ZFHX4: variants seen among roughly 807,000 people sequenced by gnomAD.
ZFHX4 encodes the protein zinc finger homeobox 4.
Under a neutral mutation model 267.6 loss-of-function variants are expected in ZFHX4, and 56 were observed. That is an observed-to-expected ratio of 0.21 (90% CI 0.17 to 0.26). The LOEUF is 0.26. ZFHX4 is among the 10% of genes least tolerant of loss of function. The pLI, the probability that ZFHX4 is intolerant of heterozygous loss-of-function variation, is 1.00. For synonymous variants in ZFHX4, 1,778 were observed against 1,665.6 expected, an observed-to-expected ratio of 1.07 and a Z score of -1.64; for missense variants, 4,332 against 4,420.0, an observed-to-expected ratio of 0.98 and a Z score of 0.56.
chr8:76,727,648 T>C (rs1808888054), intron 3 of ZFHX4, among the ~76,000 whole-genome samples: 1 of 152,210 alleles, frequency 6.6e-6, no homozygotes, highest in African/African-American at 2.4e-5. Context: ...TAGTCTACCA[T>C]AAAACATATC....
In ZFHX4 at chr8:76,842,731, G is replaced by A. The variant is rs778829137; in HGVS notation, c.3471G>A (p.Glu1157=). Residue 1157 remains glutamate (E), a synonymous_variant, in exon 6 of 11, where the codon GAG becomes GAA. Coordinates refer to ENST00000651372, the MANE Select transcript of ZFHX4 (RefSeq NM_024721.5). ...VAEDDEKDTS[E]RDNSEGKNSN... The stretch of plus-strand genomic sequence containing the variant: ...AGGACGATGAAAAAGACACAAGTGA[G>A]AGAGACAATAGTGAAGGCAAAAACT... 8 of 1,554,324 alleles carry A rather than the reference G, an allele frequency of 5.1e-6. No individual in the cohort carries two copies. The highest frequency in any genetic ancestry group is 1.7e-4 in the Middle Eastern group (1 of 6,006).
In ZFHX4 at chr8:76,780,393, T is replaced by C. The variant is rs542914046; in HGVS notation, c.3325+1954T>C. Among the ~76,000 whole-genome samples, 399 of 152,254 alleles carry C rather than the reference T, an allele frequency of 2.6e-3. 2 individuals are homozygous for C. The highest frequency in any genetic ancestry group is 4.5e-3 in the Admixed American group (69 of 15,284). On this transcript the variant is annotated intron_variant, in intron 4 of 10. Coordinates refer to ENST00000651372, the MANE Select transcript of ZFHX4 (RefSeq NM_024721.5). The stretch of plus-strand genomic sequence containing the variant: ...TGGTTGTAGAAAACTAAGGAAGGAA[T>C]GTAAGAAAGATGTGAACTCATTTGA...
chr8:76,707,611 C>T lies in ZFHX4; in HGVS notation c.2656C>T (p.Leu886Phe), dbSNP rs1352400458. The T allele has an allele frequency of 6.2e-7, 1 of 1,613,792 alleles. No individual in the cohort carries two copies. The highest frequency in any genetic ancestry group is 8.5e-7 in the Non-Finnish European group (1 of 1,179,858). The stretch of plus-strand genomic sequence containing the variant: ...TCAGCTAATGGGTGATGACCTGTCC[C>T]TCCTTACTGCAGGAGAGCTGTCACC... ...SGQLMGDDLS[L>F]LTAGELSPYI... Residue 886 changes from leucine to phenylalanine, a missense_variant, in exon 3 of 11, where the codon CTC becomes TTC. Physicochemically the swap from Leu to Phe is conservative, Grantham distance 22. Coordinates refer to ENST00000651372, the MANE Select transcript of ZFHX4 (RefSeq NM_024721.5).
At chr8:76,802,186 C>T (rs1195438375) in intron 4 of ZFHX4, among the ~76,000 whole-genome samples, 1 of 152,144 alleles carries the variant, frequency 6.6e-6, no homozygotes, top group Non-Finnish European at 1.5e-5. Context: ...TTGTAACACT[C>T]ATCTTCTTCA....
intron 4 of ZFHX4, among the ~76,000 whole-genome samples, chr8:76,782,660 G>A (rs1333956962): frequency 2.0e-5 from 3 of 151,718 alleles, no homozygotes; most frequent in Non-Finnish European, 2.9e-5. Flanking sequence ...GAAGACTATC[G>A]ACATTCCTGA....
At chr8:76,784,922 A>G (rs1810648857) in intron 4 of ZFHX4, among the ~76,000 whole-genome samples, 1 of 152,102 alleles carries the variant, frequency 6.6e-6, no homozygotes, top group African/African-American at 2.4e-5. Flanking sequence ...GTGTCATTAA[A>G]ATGACAAAGT....
intron 1 of ZFHX4, among the ~76,000 whole-genome samples, chr8:76,686,756 A>G (rs1262992161): frequency 6.6e-6 from 1 of 152,206 alleles, no homozygotes; most frequent in East Asian, 1.9e-4. Flanking sequence ...GATACTCGTT[A>G]TGAGTCTTTA....
At chr8:76,788,343 C>A (rs1319164255) in intron 4 of ZFHX4, among the ~76,000 whole-genome samples, 2 of 152,164 alleles carry the variant, frequency 1.3e-5, no homozygotes, top group African/African-American at 2.4e-5. Flanking sequence ...AGAACTTTGG[C>A]CTGTACTGCT....
At chr8:76,832,632 G>T (rs772815966) in intron 4 of ZFHX4, among the ~76,000 whole-genome samples, 3 of 152,138 alleles carry the variant, frequency 2.0e-5, no homozygotes, top group Non-Finnish European at 4.4e-5. Context: ...AGCAGGTGGT[G>T]ACTTGCTGTG....
Position 76,863,735 on chromosome 8 carries a change from C to T in ZFHX4, c.10021C>T (p.Gln3341Ter). ...GCAGCAAAAGCAACAGCAAGAACAG[C>T]AGCAGAAACCAGTTCAGGCAAAGAC... is the stretch of plus-strand genomic sequence containing the variant. Reference protein sequence around the residue: ...QKQQKQQQEQQQKPVQAKTSK... With the variant: ...QKQQKQQQEQ Residue 3341 changes from glutamine (Q) to a stop codon, truncating the protein, a stop_gained, in exon 11 of 11, where the codon CAG becomes TAG. Coordinates refer to ENST00000651372, the MANE Select transcript of ZFHX4 (RefSeq NM_024721.5). LOFTEE classifies it high-confidence loss of function. The T allele has an allele frequency of 6.4e-7, 1 of 1,555,970 alleles. No individual in the cohort carries two copies. Among genetic ancestry groups the T allele is most frequent in the Non-Finnish European group, 8.7e-7 (1 of 1,149,444 alleles).
At chr8:76,800,496 T>C (rs975938827) in intron 4 of ZFHX4, among the ~76,000 whole-genome samples, 3 of 152,186 alleles carry the variant, frequency 2.0e-5, no homozygotes, top group African/African-American at 7.2e-5. Context: ...ATGTTGTTCC[T>C]CACTCTCTCT....
At position 76,709,802 on chromosome 8, in the gene ZFHX4, C is replaced by T. The variant is rs199985539; in HGVS notation, c.3093+1754C>T. The stretch of plus-strand genomic sequence containing the variant: ...GTGTGCGTGTGTGTGCGTGTGTGTG[C>T]GTGTGTGTGTGTGTGTGTGTGTGTG... On this transcript the variant is annotated intron_variant, in intron 3 of 10. Coordinates refer to ENST00000651372, the MANE Select transcript of ZFHX4 (RefSeq NM_024721.5). Among the ~76,000 whole-genome samples the T allele has an allele frequency of 9.2e-4, 129 of 140,172 alleles. No individual in the cohort carries two copies. In the South Asian group the frequency reaches 0.021, roughly 23 times the overall value. The allele number at this position is 140,172 out of a possible 152,430, so 92.0% of individuals were successfully genotyped here.
intron 4 of ZFHX4, chr8:76,782,269 T>C (rs1810571382): frequency 9.8e-6 from 4 of 406,840 alleles, no homozygotes; most frequent in South Asian, 7.3e-5. Context: ...GGTTTAGTTT[T>C]CTTGAAATGT....
intron 4 of ZFHX4, among the ~76,000 whole-genome samples, chr8:76,808,933 T>A (rs150856150): frequency 0.087 from 12,668 of 144,838 alleles, 832 homozygotes; most frequent in East Asian, 0.19. Context: ...TCTCTCTCTC[T>A]CACACACACA....
At chr8:76,850,168 C>A (rs1812473393) in intron 8 of ZFHX4, 77 bp from the exon 9 acceptor site, 1 of 1,181,182 alleles carries the variant, frequency 8.5e-7, no homozygotes, top group Non-Finnish European at 1.2e-6. Flanking sequence ...GTGGGATATG[C>A]TACCAGCAAA....
intron 3 of ZFHX4, among the ~76,000 whole-genome samples, chr8:76,764,968 A>G (rs907528250): frequency 2.0e-4 from 31 of 152,124 alleles, no homozygotes; most frequent in African/African-American, 7.2e-4. Flanking sequence ...CTGCTGAGAC[A>G]TTATTTCTTA....
intron 3 of ZFHX4, among the ~76,000 whole-genome samples, chr8:76,745,410 T>C (rs1378839057): frequency 6.6e-6 from 1 of 152,218 alleles, no homozygotes; most frequent in East Asian, 1.9e-4. Flanking sequence ...TCTTGGAGGA[T>C]TGATTTAAAA....
rs184068009 is a variant in ZFHX4 at position 76,705,217 on chromosome 8, G to A, written c.1129G>A (p.Ala377Thr). ...FHVENGDSLP[A>T]GFAFLKGSAS... ...TGTTGAAAATGGTGACTCTTTGCCG[G>A]CTGGCTTTGCCTTCTTAAAAGGAAG... Residue 377 changes from alanine (A) to threonine (T), a missense_variant, in exon 2 of 11, where the codon GCT (alanine) becomes ACT (threonine). By Grantham distance (58) the Ala-to-Thr change is moderately conservative. This residue lies in a region of ZFHX4 where 1,195 missense variants were observed against 1,173.6 expected (regional missense o/e 1.02). Transcript: ENST00000651372. 2.0e-5 allele frequency: 32 copies of A among 1,613,928 alleles called. No homozygotes were observed. In the East Asian group the frequency reaches 6.5e-4, roughly 33 times the overall value.
chr8:76,769,772 G>A (rs1433096292), intron 3 of ZFHX4, among the ~76,000 whole-genome samples: 2 of 152,034 alleles, frequency 1.3e-5, no homozygotes. Flanking sequence ...CTGACGATAA[G>A]TGCATAGAGC....
Sources: gnomAD v4.1 joint callset for allele counts (sites outside exome capture counted in the v4.1 genomes callset) on GRCh38, gnomAD v4.1.1 for gene constraint, gnomAD v4.1.1 regional missense constraint, MANE v1.5 for transcripts, NCBI Gene and HGNC (gene_info 2026-07-23, HGNC 2026-07-21) for gene names.